TRIM37: variants seen among roughly 807,000 people sequenced by gnomAD.
TRIM37 encodes tripartite motif containing 37, also known as E3 ubiquitin-protein ligase TRIM37.
In TRIM37, 80 loss-of-function variants were observed where a neutral mutation model predicts 129.8. That is an observed-to-expected ratio of 0.62 (90% CI 0.51 to 0.74). TRIM37 has a LOEUF of 0.74. TRIM37 is among the 30% of genes least tolerant of loss of function. The pLI, the probability that TRIM37 is intolerant of heterozygous loss-of-function variation, is 0.00. For missense variants in TRIM37, 1,054 were observed against 1,176.5 expected, an observed-to-expected ratio of 0.90 and a Z score of 1.52; for synonymous variants, 389 against 387.1, an observed-to-expected ratio of 1.00 and a Z score of -0.06.
intron 20 of TRIM37, among the ~76,000 whole-genome samples, chr17:59,016,396 C>CAA (rs57120937): frequency 1.8e-4 from 10 of 55,294 alleles, no homozygotes; most frequent in South Asian, 6.0e-4. Flanking sequence ...AACTCCATCT[C>CAA]AAAAAAAAAA....
At position 59,066,961 on chromosome 17, in the gene TRIM37, G is replaced by A. The variant is rs937538840; in HGVS notation, c.810-2556C>T. Among the ~76,000 whole-genome samples the A allele has an allele frequency of 5.3e-5, 8 of 152,118 alleles. 1 individual carries two copies. Among genetic ancestry groups the A allele is most frequent in the Admixed American group, 5.2e-4 (8 of 15,278 alleles). ...ATAAATACTTGCTGGCAGATTCGTA[G>A]AGTTGGAAATATTTGCTCAAAAATT... On this transcript the variant is annotated intron_variant, in intron 9 of 23. Coordinates refer to ENST00000262294, the MANE Select transcript of TRIM37 (RefSeq NM_015294.6).
chr17:58,999,390 T>C lies in TRIM37; in HGVS notation c.2882A>G (p.Asn961Ser), dbSNP rs773494015. 13 of 1,613,854 alleles carry C rather than the reference T, an allele frequency of 8.1e-6. No homozygotes were observed. The highest frequency in any genetic ancestry group is 1.1e-5 in the South Asian group (1 of 91,092). ...TTGATTTGGCAATTACCTTCCACTA[T>C]TTTCATCTGTATTGAAGCTGAGATC... ...PEDLSFNTDE[N>S]SGR The change falls in exon 24 of 24, where the codon AAT becomes AGT. Residue 961 changes from asparagine to serine, a missense_variant. Asn to Ser is a conservative substitution (Grantham distance 46, BLOSUM62 1). This residue lies in a region of TRIM37 where 287 missense variants were observed against 274.3 expected (regional missense o/e 1.05). Coordinates refer to ENST00000262294, the MANE Select transcript of TRIM37 (RefSeq NM_015294.6).
chr17:59,033,940 A>G (rs1312306276), intron 17 of TRIM37, among the ~76,000 whole-genome samples: 1 of 151,708 alleles, frequency 6.6e-6, no homozygotes, highest in East Asian at 2.0e-4. Context: ...CAACATGGTG[A>G]AACCAAAATA....
chr17:59,106,326 G>A lies in TRIM37; in HGVS notation c.21+115C>T, dbSNP rs937325236. 10 of 1,247,914 alleles carry A rather than the reference G, an allele frequency of 8.0e-6. No homozygotes were observed. In the Admixed American group the frequency reaches 1.9e-4, roughly 24 times the overall value. The allele number at this position is 1,247,914 out of a possible 1,614,324, so 77.3% of individuals were successfully genotyped here. On this transcript the variant is annotated intron_variant, in intron 1 of 23. Transcript: ENST00000262294. ...TACCGGGCCAGCCCTCTCCACAGCG[G>A]CAGGGGCGGGGTAGGGGTGCCCTAC... is the stretch of plus-strand genomic sequence containing the variant.
chr17:59,033,412 G>C (rs1425643564), intron 17 of TRIM37, among the ~76,000 whole-genome samples: 1 of 152,030 alleles, frequency 6.6e-6, no homozygotes, highest in Non-Finnish European at 1.5e-5. Context: ...AACAGAAAAC[G>C]ATTTCCCCTT....
intron 16 of TRIM37, among the ~76,000 whole-genome samples, chr17:59,044,389 T>C (rs1361464188): frequency 1.3e-5 from 2 of 152,094 alleles, no homozygotes; most frequent in East Asian, 3.9e-4. Flanking sequence ...TGCAAAACCC[T>C]GTCTCTACTA....
intron 13 of TRIM37, among the ~76,000 whole-genome samples, chr17:59,053,917 A>G (rs920362005): frequency 2.0e-5 from 3 of 146,840 alleles, no homozygotes; most frequent in Non-Finnish European, 4.5e-5. Context: ...TGGGCAATAT[A>G]GCAAGACACT....
chr17:59,017,727 C>A (rs2036129341), intron 19 of TRIM37, among the ~76,000 whole-genome samples: 3 of 151,984 alleles, frequency 2.0e-5, no homozygotes, highest in South Asian at 4.1e-4. Flanking sequence ...TGGGTTCAAG[C>A]AATTCTCCTG....
At chr17:59,018,752 T>C (rs1276442239) in intron 19 of TRIM37, among the ~76,000 whole-genome samples, 1 of 151,684 alleles carries the variant, frequency 6.6e-6, no homozygotes, top group Non-Finnish European at 1.5e-5. Context: ...ATTGACAAGC[T>C]AATCCTAAAA....
chr17:59,102,841 T>C (rs2045631837), intron 2 of TRIM37, among the ~76,000 whole-genome samples: 1 of 152,308 alleles, frequency 6.6e-6, no homozygotes, highest in African/African-American at 2.4e-5. Context: ...GACAAAGGCA[T>C]ATGTATCTTC....
chr17:58,997,249 C>T (rs550849372), downstream of TRIM37, among the ~76,000 whole-genome samples: 2 of 152,150 alleles, frequency 1.3e-5, no homozygotes, highest in African/African-American at 4.8e-5. Flanking sequence ...AGAGGGTATA[C>T]GGAAACTCTT....
intron 3 of TRIM37, among the ~76,000 whole-genome samples, chr17:59,089,546 C>G (rs754926556): frequency 4.6e-5 from 7 of 151,758 alleles, no homozygotes; most frequent in Non-Finnish European, 1.0e-4. Flanking sequence ...GAGGATGAGG[C>G]AGGAGAATCA....
chr17:59,106,250 C>T (rs1314258572), intron 1 of TRIM37, among the ~76,000 whole-genome samples, 191 bp downstream of exon 1: 1 of 152,168 alleles, frequency 6.6e-6, no homozygotes, highest in Non-Finnish European at 1.5e-5. Flanking sequence ...GACTGCGGAA[C>T]AGTGAGCACA....
At chr17:59,098,380 A>AT (rs1432407199) in intron 2 of TRIM37, among the ~76,000 whole-genome samples, 2 of 152,142 alleles carry the variant, frequency 1.3e-5, no homozygotes, top group African/African-American at 4.8e-5. Context: ...AAAATTGCAA[A>AT]TTTGGCTGGG....
the TRIM37 span, among the ~76,000 whole-genome samples, chr17:58,976,885 G>A: frequency 3.3e-5 from 5 of 151,848 alleles, no homozygotes; most frequent in South Asian, 2.1e-4. Flanking sequence ...TTTTAGAGGC[G>A]GAATTCAAAA....
downstream of TRIM37, chr17:58,980,740 C>A (rs1467740908): frequency 3.1e-6 from 5 of 1,613,940 alleles, no homozygotes; most frequent in Non-Finnish European, 4.2e-6. The surrounding 1 kb of genome is among the most constrained non-coding windows in gnomAD (Gnocchi z 4.7). Flanking sequence ...AGTTCAAATC[C>A]CCGGGAAACA....
At chr17:58,969,133 T>A in the TRIM37 span, among the ~76,000 whole-genome samples, 1 of 152,244 alleles carries the variant, frequency 6.6e-6, no homozygotes, top group African/African-American at 2.4e-5. Flanking sequence ...ATTAAAGTAC[T>A]TTCATTTTGA....
At chr17:59,093,998 A>C (rs2044634689) in intron 2 of TRIM37, among the ~76,000 whole-genome samples, 1 of 152,116 alleles carries the variant, frequency 6.6e-6, no homozygotes, top group African/African-American at 2.4e-5. Flanking sequence ...GGGTTCAAGC[A>C]ATTCTCATGC....
downstream of TRIM37, chr17:58,982,173 T>C (rs9889414): frequency 4.8e-4 from 74 of 152,788 alleles, no homozygotes; most frequent in African/African-American, 1.8e-3. Flanking sequence ...GACACATGAG[T>C]GTCCTGCTTA....
Sources: allele counts gnomAD v4.1 joint callset (sites outside exome capture counted in the v4.1 genomes callset), GRCh38; gene constraint gnomAD v4.1.1; regional missense constraint gnomAD v4.1.1; non-coding constraint Gnocchi (gnomAD v3.1); transcripts MANE v1.5; gene names NCBI Gene and HGNC (gene_info 2026-07-23, HGNC 2026-07-21).